SHANK2: variants seen among roughly 807,000 people sequenced by gnomAD.
SHANK2 encodes the protein SH3 and multiple ankyrin repeat domains 2, also known as SH3 and multiple ankyrin repeat domains protein 2.
In SHANK2, 43 loss-of-function variants were observed where a neutral mutation model predicts 133.7. That is an observed-to-expected ratio of 0.32 (90% CI 0.25 to 0.41). The LOEUF is 0.41. Among genes scored for constraint, SHANK2 ranks in the 10% least tolerant of loss-of-function variants. The pLI is 1.00. For missense variants in SHANK2, 1,994 were observed against 2,235.8 expected (o/e 0.89, Z 2.18); for synonymous variants, 1,017 against 952.8 (o/e 1.07, Z -1.24).
intron 11 of SHANK2, among the ~76,000 whole-genome samples, chr11:70,828,000 C>T (rs983384798): frequency 4.6e-5 from 7 of 152,146 alleles, no homozygotes; most frequent in African/African-American, 9.7e-5. Flanking sequence ...ATCTCTTGGC[C>T]GGGTGCGGTG....
At chr11:71,168,691 G>T in intron 2 of SHANK2, among the ~76,000 whole-genome samples, 1 of 152,266 alleles carries the variant, frequency 6.6e-6, no homozygotes, top group Non-Finnish European at 1.5e-5. Flanking sequence ...CAGGCGTGGC[G>T]GCGCGCGCCT....
chr11:71,253,003 A>C (rs112662021), upstream of SHANK2, among the ~76,000 whole-genome samples: 1,649 of 152,352 alleles, frequency 0.011, 16 homozygotes, highest in Admixed American at 0.021. Flanking sequence ...CTGCACATCA[A>C]AACGTTTGCA....
intron 8 of SHANK2, among the ~76,000 whole-genome samples, chr11:71,076,528 G>A (rs1210249239): frequency 8.7e-5 from 13 of 149,050 alleles, no homozygotes; most frequent in South Asian, 2.1e-4. Context: ...AACAAAAAAC[G>A]AAAAACAAAA....
intron 2 of SHANK2, among the ~76,000 whole-genome samples, chr11:71,220,257 CAAACAAACA>C (rs1414881748): frequency 1.3e-5 from 2 of 152,028 alleles, no homozygotes; most frequent in African/African-American, 4.8e-5. Context: ...AACAAACAAA[CAAACAAACA>C]AAACAAAATA....
At chr11:70,877,474 C>T (rs551895442) in intron 11 of SHANK2, among the ~76,000 whole-genome samples, 2 of 152,328 alleles carry the variant, frequency 1.3e-5, no homozygotes, top group South Asian at 2.1e-4. Flanking sequence ...ATGAAGCCAC[C>T]GTGATTTCAG....
At chr11:71,123,778 C>G (rs1304111636) in intron 3 of SHANK2, among the ~76,000 whole-genome samples, 1 of 152,158 alleles carries the variant, frequency 6.6e-6, no homozygotes, top group Non-Finnish European at 1.5e-5. Context: ...ATGGCAAAGA[C>G]AACAGTGTAT....
At chr11:70,554,901 A>ATTTT (rs11435528) in intron 17 of SHANK2, among the ~76,000 whole-genome samples, 50,553 of 133,932 alleles carry the variant, frequency 0.38, 10,807 homozygotes, top group East Asian at 0.5. Flanking sequence ...CGAACATTGC[A>ATTTT]TTTTTTTTTT....
At chr11:70,698,905 A>T in intron 14 of SHANK2, 142 bp from the exon 15 acceptor site, 1 of 694,746 alleles carries the variant, frequency 1.4e-6, no homozygotes, top group East Asian at 2.7e-5. Context: ...TCTGGAGGAA[A>T]ATGAGGCCTG....
At chr11:70,722,968 A>G (rs1946101173) in intron 14 of SHANK2, among the ~76,000 whole-genome samples, 1 of 152,210 alleles carries the variant, frequency 6.6e-6, no homozygotes, top group Non-Finnish European at 1.5e-5. Context: ...CACTGTTAAT[A>G]ATGAATAAGC....
intron 1 of SHANK2, among the ~76,000 whole-genome samples, chr11:71,238,197 A>G (rs1283393377): frequency 6.6e-6 from 1 of 152,350 alleles, no homozygotes. Context: ...AGACCCCAGC[A>G]TTCCCTGCTC....
chr11:71,107,158 G>A (rs1421589875), intron 6 of SHANK2, among the ~76,000 whole-genome samples: 1 of 152,126 alleles, frequency 6.6e-6, no homozygotes, highest in African/African-American at 2.4e-5. Flanking sequence ...TTTCTGTCAA[G>A]GCCAAAACCA....
At chr11:71,092,380 C>G (rs1951532988) in intron 8 of SHANK2, 42 bp downstream of exon 8, 2 of 1,548,962 alleles carry the variant, frequency 1.3e-6, no homozygotes, top group African/African-American at 2.7e-5. Flanking sequence ...AAGGGGAAGT[C>G]AGTTCGTGGG....
At chr11:70,693,789 CG>C (rs1394885860) in intron 15 of SHANK2, among the ~76,000 whole-genome samples, 14 of 151,578 alleles carry the variant, frequency 9.2e-5, no homozygotes, top group South Asian at 4.2e-4. Context: ...GGTGGATGGA[CG>C]GGGGAGTGAA....
At chr11:71,118,313 C>T (rs1388187763) in intron 4 of SHANK2, among the ~76,000 whole-genome samples, 1 of 152,148 alleles carries the variant, frequency 6.6e-6, no homozygotes, top group African/African-American at 2.4e-5. Flanking sequence ...CATTTTCACA[C>T]TGCTATAAAG....
At chr11:71,248,305 A>C (rs1381796514) in intron 1 of SHANK2, among the ~76,000 whole-genome samples, 1 of 152,266 alleles carries the variant, frequency 6.6e-6, no homozygotes, top group South Asian at 2.1e-4. Flanking sequence ...CACATCAAGA[A>C]GTATGATGAG....
intron 8 of SHANK2, among the ~76,000 whole-genome samples, chr11:71,079,536 G>A (rs1245517829): frequency 2.6e-5 from 4 of 151,938 alleles, no homozygotes; most frequent in Non-Finnish European, 4.4e-5. Flanking sequence ...CGAGGCGGGC[G>A]GATCACGAGG....
intron 15 of SHANK2, among the ~76,000 whole-genome samples, chr11:70,679,473 C>A (rs1189561162): frequency 6.6e-6 from 1 of 152,234 alleles, no homozygotes; most frequent in Non-Finnish European, 1.5e-5. Flanking sequence ...TTGGGGTGTG[C>A]ACCTGCCTGG....
intron 17 of SHANK2, among the ~76,000 whole-genome samples, chr11:70,639,474 C>A (rs1441411173): frequency 6.6e-6 from 1 of 152,110 alleles, no homozygotes. Context: ...CATGAGGGAC[C>A]CACCTTCATG....
intron 17 of SHANK2, among the ~76,000 whole-genome samples, chr11:70,657,521 G>A (rs1214515967): frequency 6.6e-6 from 1 of 152,174 alleles, no homozygotes; most frequent in African/African-American, 2.4e-5. Flanking sequence ...AGGCAGCTGT[G>A]GACATGAACT....
Sources: gnomAD v4.1 joint callset for allele counts (sites outside exome capture counted in the v4.1 genomes callset) on GRCh38, gnomAD v4.1.1 for gene constraint, MANE v1.5 for transcripts, NCBI Gene and HGNC (gene_info 2026-07-23, HGNC 2026-07-21) for gene names.